The following JAZF1 variants were observed in gnomAD, a reference collection of about 807,000 sequenced individuals.
JAZF1 encodes juxtaposed with another zinc finger protein 1.
Under a neutral mutation model 26.4 loss-of-function variants are expected in JAZF1, and 8 were observed. That is an observed-to-expected ratio of 0.30 (90% CI 0.18 to 0.55). The LOEUF is 0.55. JAZF1 is among the 20% of genes least tolerant of loss of function. The pLI is 0.94. For synonymous variants in JAZF1, 126 were observed against 122.3 expected (o/e 1.03, Z -0.20); for missense variants, 199 against 322.0 (o/e 0.62, Z 2.92).
At chr7:27,996,341 C>T (rs183699628) in intron 1 of JAZF1, among the ~76,000 whole-genome samples, 15 of 152,308 alleles carry the variant, frequency 9.8e-5, no homozygotes, top group South Asian at 4.1e-4. Flanking sequence ...TGTGATATCA[C>T]GCCGTTTGAG....
At position 27,990,057 on chromosome 7, in the gene JAZF1, G is replaced by A. The variant is rs1378581225; in HGVS notation, c.188+1852C>T. On this transcript the variant is annotated intron_variant, in intron 2 of 4. Transcript: ENST00000283928. ...CCCAAATGTCCATCAGTGATAGACT[G>A]GATTAAGAAAATGTGGCACATATAC... Among the ~76,000 whole-genome samples, 142 of 150,186 alleles carry A rather than the reference G, an allele frequency of 9.5e-4. 1 individual carries two copies. The highest frequency in any genetic ancestry group is 3.1e-3 in the African/African-American group (129 of 41,076).
intron 1 of JAZF1, among the ~76,000 whole-genome samples, chr7:28,002,696 C>T (rs1354118568): frequency 2.0e-5 from 3 of 152,194 alleles, no homozygotes; most frequent in Non-Finnish European, 4.4e-5. Context: ...GAATTCATCA[C>T]TCACTTAAGT....
At chr7:27,992,506 C>G (rs1785925721) in intron 1 of JAZF1, among the ~76,000 whole-genome samples, 1 of 152,138 alleles carries the variant, frequency 6.6e-6, no homozygotes. Flanking sequence ...CTTTTCTAGA[C>G]TCTCAATCAG....
intron 3 of JAZF1, among the ~76,000 whole-genome samples, chr7:27,850,877 T>C (rs1783133659): frequency 6.6e-6 from 1 of 152,020 alleles, no homozygotes; most frequent in African/African-American, 2.4e-5. Flanking sequence ...TTTACAACTA[T>C]AAATCTAACA....
intron 1 of JAZF1, among the ~76,000 whole-genome samples, chr7:27,999,035 T>C (rs1280621079): frequency 6.6e-6 from 1 of 152,214 alleles, no homozygotes. Context: ...TCAGTGGTGA[T>C]GGGGTGTGCT....
chr7:27,988,633 GATCTCTCCAAC>G (rs1407427198), intron 2 of JAZF1, among the ~76,000 whole-genome samples: 2 of 151,994 alleles, frequency 1.3e-5, no homozygotes, highest in Non-Finnish European at 2.9e-5. Flanking sequence ...ATTTCCCCAT[GATCTCTCCAAC>G]ATCGGTTATT....
At chr7:27,908,443 G>A (rs1202095652) in intron 2 of JAZF1, among the ~76,000 whole-genome samples, 3 of 152,118 alleles carry the variant, frequency 2.0e-5, no homozygotes, top group Admixed American at 1.3e-4. Flanking sequence ...TTTGGGGGTT[G>A]ATTTTTTTTC....
intron 2 of JAZF1, among the ~76,000 whole-genome samples, chr7:27,926,632 ATGT>A (rs1488613703): frequency 1.3e-4 from 20 of 152,350 alleles, no homozygotes; most frequent in Admixed American, 1.0e-3. Flanking sequence ...GTCAATACAA[ATGT>A]TGTGTGAATC....
intron 1 of JAZF1, among the ~76,000 whole-genome samples, chr7:28,144,192 C>A (rs1782994745): frequency 6.6e-6 from 1 of 152,166 alleles, no homozygotes; most frequent in Admixed American, 6.5e-5. Flanking sequence ...AATTCAAACC[C>A]AAGGTCACAC....
At chr7:28,021,173 G>T (rs926338161) in intron 1 of JAZF1, among the ~76,000 whole-genome samples, 2 of 152,140 alleles carry the variant, frequency 1.3e-5, no homozygotes, top group Non-Finnish European at 2.9e-5. Context: ...GACACGGGCC[G>T]AGAGAGTTCT....
At chr7:28,127,701 G>A (rs149702072) in intron 1 of JAZF1, among the ~76,000 whole-genome samples, 3,034 of 152,280 alleles carry the variant, frequency 0.02, 41 homozygotes, top group Middle Eastern at 0.048. Flanking sequence ...AGGTTTAATT[G>A]ATTCACAGTT....
At chr7:27,885,772 C>T (rs1398896507) in intron 3 of JAZF1, among the ~76,000 whole-genome samples, 1 of 152,022 alleles carries the variant, frequency 6.6e-6, no homozygotes, top group Non-Finnish European at 1.5e-5. Flanking sequence ...AAAATTTATC[C>T]ATGTCCAGAG....
intron 2 of JAZF1, among the ~76,000 whole-genome samples, chr7:27,956,179 C>T (rs991026395): frequency 6.6e-6 from 1 of 152,172 alleles, no homozygotes; most frequent in Non-Finnish European, 1.5e-5. Context: ...CTTTATTTGG[C>T]TCCGAGATCT....
At chr7:28,075,504 C>T (rs1307918321) in intron 1 of JAZF1, among the ~76,000 whole-genome samples, 1 of 152,146 alleles carries the variant, frequency 6.6e-6, no homozygotes, top group East Asian at 1.9e-4. Flanking sequence ...CTGATTTTTA[C>T]CATAAACAAT....
intron 1 of JAZF1, among the ~76,000 whole-genome samples, chr7:28,163,456 GGGGA>G (rs1216108523): frequency 6.6e-6 from 1 of 152,170 alleles, no homozygotes; most frequent in East Asian, 1.9e-4. Flanking sequence ...CTCTATGCTA[GGGGA>G]GGGCATCACA....
chr7:28,151,663 A>C (rs1783113567), intron 1 of JAZF1, among the ~76,000 whole-genome samples: 1 of 151,830 alleles, frequency 6.6e-6, no homozygotes, highest in South Asian at 2.1e-4. Context: ...TTAGCCGGGC[A>C]TGATGGCGCA....
chr7:28,011,844 C>T (rs1304306114), intron 1 of JAZF1, among the ~76,000 whole-genome samples: 2 of 152,074 alleles, frequency 1.3e-5, no homozygotes, highest in East Asian at 3.8e-4. Flanking sequence ...TTATGTCGAC[C>T]ATATATTGCC....
At chr7:27,939,089 C>G (rs539641290) in intron 2 of JAZF1, among the ~76,000 whole-genome samples, 10 of 152,280 alleles carry the variant, frequency 6.6e-5, no homozygotes, top group African/African-American at 2.4e-4. Context: ...TCTAAAACAC[C>G]TTGTGTTGCA....
At chr7:27,900,168 G>A (rs1784142364) in intron 2 of JAZF1, among the ~76,000 whole-genome samples, 2 of 152,202 alleles carry the variant, frequency 1.3e-5, no homozygotes, top group Admixed American at 1.3e-4. Flanking sequence ...TGGTGACACT[G>A]CTCTGATCTG....
Sources: allele counts gnomAD v4.1 joint callset (sites outside exome capture counted in the v4.1 genomes callset), GRCh38; gene constraint gnomAD v4.1.1; transcripts MANE v1.5; gene names NCBI Gene and HGNC (gene_info 2026-07-23, HGNC 2026-07-21).